Variants in ANKRD6 observed in about 807,000 individuals in gnomAD.
The protein encoded by ANKRD6 is ankyrin repeat domain-containing protein 6.
ANKRD6 carries 56 observed loss-of-function variants against 82.3 expected under a neutral mutation model. The observed-to-expected ratio is 0.68, with a 90% confidence interval of 0.55 to 0.85. The LOEUF (loss-of-function observed/expected upper bound fraction) is 0.85. ANKRD6 is among the 40% of genes least tolerant of loss of function. ANKRD6 has a pLI of 0.00. For synonymous variants in ANKRD6, 347 were observed against 352.1 expected, an observed-to-expected ratio of 0.99 and a Z score of 0.16; for missense variants, 852 against 907.6, an observed-to-expected ratio of 0.94 and a Z score of 0.79.
chr6:89,520,925 C>T (rs1318031647), intron 1 of ANKRD6, among the ~76,000 whole-genome samples: 1 of 152,232 alleles, frequency 6.6e-6, no homozygotes, highest in East Asian at 1.9e-4. Context: ...GAGGCCAAGG[C>T]TGCAGTGATC....
rs6933010 is a variant in ANKRD6, at chr6:89,590,160, G to T, written c.121-5756G>T. 1.3e-3 allele frequency among the ~76,000 whole-genome samples: 203 copies of T among 152,192 alleles called. 1 individual carries two copies. Among genetic ancestry groups the T allele is most frequent in the Non-Finnish European group, 6.6e-4 (45 of 68,014 alleles). Reference sequence around the variant, plus strand: ...CATTGCTTATATACTCTGAAGATCTGGGAAGCTGTAGGTTGTGGCAAGGCA... The same window carrying T: ...CATTGCTTATATACTCTGAAGATCTTGGAAGCTGTAGGTTGTGGCAAGGCA... On this transcript the variant is annotated intron_variant, in intron 2 of 15. Transcript: ENST00000339746.
intron 1 of ANKRD6, among the ~76,000 whole-genome samples, chr6:89,467,176 C>T (rs1458824203): frequency 6.7e-6 from 1 of 149,548 alleles, no homozygotes; most frequent in African/African-American, 2.5e-5. Flanking sequence ...ACCCTGTCTC[C>T]TAATTAAAAA....
intron 2 of ANKRD6, among the ~76,000 whole-genome samples, chr6:89,580,670 A>T (rs1247296737): frequency 6.6e-6 from 1 of 151,920 alleles, no homozygotes; most frequent in Non-Finnish European, 1.5e-5. Context: ...GGGATTTGCG[A>T]TGCTGGTGTT....
At chr6:89,588,397 G>C (rs1794207080) in intron 2 of ANKRD6, among the ~76,000 whole-genome samples, 1 of 152,078 alleles carries the variant, frequency 6.6e-6, no homozygotes, top group African/African-American at 2.4e-5. Context: ...CTCAAAAAAG[G>C]CTTGACTCAA....
chr6:89,606,344 A>G (rs939341233), intron 5 of ANKRD6, among the ~76,000 whole-genome samples: 1 of 152,158 alleles, frequency 6.6e-6, no homozygotes, highest in African/African-American at 2.4e-5. Flanking sequence ...GAGGCCCCTG[A>G]CTGCTGCTGG....
chr6:89,442,683 T>C (rs906205605), intron 1 of ANKRD6, among the ~76,000 whole-genome samples: 1 of 146,496 alleles, frequency 6.8e-6, no homozygotes, highest in African/African-American at 2.5e-5. Context: ...CTGTGAGGTG[T>C]GTATTGGTTT....
rs545253440 is a variant in ANKRD6 at position 89,506,521 on chromosome 6, G to C, written c.-143-60313G>C. 2.5e-3 allele frequency among the ~76,000 whole-genome samples: 385 copies of C among 152,210 alleles called. 1 individual carries two copies. Among genetic ancestry groups the C allele is most frequent in the Non-Finnish European group, 4.3e-3 (293 of 68,018 alleles). On this transcript the variant is annotated intron_variant, in intron 1 of 15. Transcript: ENST00000339746. ...GTAGAGACGGGGTTTCACCATGTTG[G>C]CCGGGCTGCTCTTGAACTCCTGACG...
At chr6:89,438,760 A>AGGG (rs1264247703) in intron 1 of ANKRD6, among the ~76,000 whole-genome samples, 1 of 152,150 alleles carries the variant, frequency 6.6e-6, no homozygotes, top group Non-Finnish European at 1.5e-5. Flanking sequence ...CTCCTGCCTC[A>AGGG]GCCTCCTGAG....
chr6:89,561,946 A>G (rs1011699624), intron 1 of ANKRD6, among the ~76,000 whole-genome samples: 1 of 152,166 alleles, frequency 6.6e-6, no homozygotes, highest in African/African-American at 2.4e-5. Flanking sequence ...AAATAGGGCA[A>G]TGCTTTAGGA....
intron 1 of ANKRD6, among the ~76,000 whole-genome samples, chr6:89,548,700 C>T (rs1037591529): frequency 1.2e-4 from 18 of 152,246 alleles, no homozygotes; most frequent in Admixed American, 3.3e-4. Context: ...GGAGAGTTCC[C>T]ACTGCTGTGA....
Position 89,633,197 on chromosome 6 carries a change from C to G in ANKRD6, c.*2193C>G, listed in dbSNP as rs760430573. ...TACATGGATCTTGTCTCTTGGAGGT[C>G]TGTCGTAGAAGAAGAAACAAATAGA... On this transcript the variant is annotated 3_prime_UTR_variant, in exon 16 of 16. Coordinates refer to ENST00000339746, the MANE Select transcript of ANKRD6 (RefSeq NM_001242809.2). 1.5e-4 allele frequency: 23 copies of G among 152,122 alleles called. No homozygotes were observed. The highest frequency in any genetic ancestry group is 2.9e-4 in the Non-Finnish European group (20 of 68,034). The allele number at this position is 152,122 out of a possible 1,614,324, so 9.4% of individuals were successfully genotyped here. A position where few individuals can be genotyped will look rare whatever the true frequency, so the allele number is the denominator to read the frequency against.
At chr6:89,621,698 T>A in intron 9 of ANKRD6, 2 of 554,352 alleles carry the variant, frequency 3.6e-6, no homozygotes, top group Non-Finnish European at 6.5e-6. Context: ...TTAAGCTTCT[T>A]GAGGTCAGGG....
intron 1 of ANKRD6, among the ~76,000 whole-genome samples, chr6:89,529,359 C>G (rs1015331441): frequency 6.6e-6 from 1 of 152,210 alleles, no homozygotes; most frequent in African/African-American, 2.4e-5. Context: ...CCAACCTCTG[C>G]TAGCTTTAGA....
chr6:89,538,650 A>G (rs1219664584), intron 1 of ANKRD6, among the ~76,000 whole-genome samples: 1 of 152,210 alleles, frequency 6.6e-6, no homozygotes. Flanking sequence ...AGACTCTATC[A>G]TGTGTTAAGT....
chr6:89,448,223 C>G (rs1772345299), intron 1 of ANKRD6, among the ~76,000 whole-genome samples: 1 of 151,738 alleles, frequency 6.6e-6, no homozygotes, highest in South Asian at 2.1e-4. Flanking sequence ...TTGCTTGAAC[C>G]CAGGAGTTTG....
chr6:89,623,838 G>T (rs1320080246), intron 11 of ANKRD6, 34 bp from the exon 12 acceptor site: 3 of 1,587,406 alleles, frequency 1.9e-6, no homozygotes, highest in Non-Finnish European at 2.6e-6. Flanking sequence ...AGAGGTCAAA[G>T]CGTTCAGGGG....
chr6:89,536,862 C>T (rs1222504741), intron 1 of ANKRD6, among the ~76,000 whole-genome samples: 1 of 152,158 alleles, frequency 6.6e-6, no homozygotes, highest in Non-Finnish European at 1.5e-5. Context: ...TACAAAGAGA[C>T]ATCTGTTCAT....
intron 1 of ANKRD6, among the ~76,000 whole-genome samples, chr6:89,487,631 T>C (rs183696574): frequency 1.9e-3 from 285 of 152,280 alleles, no homozygotes; most frequent in Non-Finnish European, 3.2e-3. Flanking sequence ...ATTATGAAAA[T>C]GAATTAGCCA....
At chr6:89,609,104 G>A (rs1269179963) in intron 5 of ANKRD6, among the ~76,000 whole-genome samples, 3 of 152,128 alleles carry the variant, frequency 2.0e-5, no homozygotes, top group Non-Finnish European at 4.4e-5. Context: ...CCTTGGCACC[G>A]CATGCAGCTT....
Sources: gnomAD v4.1 joint callset for allele counts (sites outside exome capture counted in the v4.1 genomes callset) on GRCh38, gnomAD v4.1.1 for gene constraint, MANE v1.5 for transcripts, NCBI Gene and HGNC (gene_info 2026-07-23, HGNC 2026-07-21) for gene names.